RAD23B: variants seen among roughly 807,000 people sequenced by gnomAD.
RAD23B encodes the protein RAD23 nucleotide excision repair protein B.
A neutral mutation model predicts 49.1 loss-of-function variants in RAD23B; 5 were observed. The ratio of observed to expected loss-of-function variants is 0.10; its 90% CI spans 0.05 to 0.21. RAD23B has a LOEUF of 0.21. RAD23B is among the 10% of genes least tolerant of loss of function. RAD23B has a pLI of 1.00. For synonymous variants in RAD23B, 184 were observed against 165.4 expected, an observed-to-expected ratio of 1.11 and a Z score of -0.86; for missense variants, 356 against 486.7, an observed-to-expected ratio of 0.73 and a Z score of 2.53.
chr9:107,301,903 G>C, intron 2 of RAD23B, 132 bp from the exon 3 acceptor site: 1 of 1,278,176 alleles, frequency 7.8e-7, no homozygotes, highest in Non-Finnish European at 1.1e-6. Context: ...AGTATTAACT[G>C]ATAGAATTTA....
At position 107,329,530 on chromosome 9, in the gene RAD23B, C is replaced by T. The variant is rs1587867592; in HGVS notation, c.1117-13C>T. ...GGTGTGTTGGATTTATATTTTTTTC[C>T]TTTTTCTTCCAGTTAAAGGCATTAG... On this transcript the variant is annotated splice_polypyrimidine_tract_variant and intron_variant, in intron 9 of 9. Transcript: ENST00000358015. The T allele has an allele frequency of 1.7e-5, 26 of 1,527,464 alleles. No individual in the cohort carries two copies. In the Admixed American group the frequency reaches 1.8e-4, roughly 11 times the overall value. 94.6% of individuals were successfully genotyped at this position (1,527,464 alleles called of 1,614,324 possible).
intron 2 of RAD23B, among the ~76,000 whole-genome samples, 182 bp downstream of exon 2, chr9:107,300,404 C>T (rs1387243761): frequency 1.3e-5 from 2 of 151,896 alleles, no homozygotes; most frequent in Admixed American, 1.3e-4. Flanking sequence ...TTCACATTTG[C>T]CCTGTGTATT....
chr9:107,316,176 A>C (rs1314360987), intron 5 of RAD23B, among the ~76,000 whole-genome samples: 1 of 151,416 alleles, frequency 6.6e-6, no homozygotes, highest in Admixed American at 6.6e-5. Context: ...TGCCCAGCTA[A>C]TTTTTTTTGT....
intron 2 of RAD23B, among the ~76,000 whole-genome samples, chr9:107,301,487 C>T (rs1165483108): frequency 1.3e-5 from 2 of 152,056 alleles, no homozygotes; most frequent in African/African-American, 2.4e-5. Flanking sequence ...AATTGATTGT[C>T]ATTCTATATA....
rs551710966 is a variant in RAD23B, at chr9:107,314,778, G to C, written c.553+3041G>C. ...GTTTTCCATAAAGGATGTACTAATG[G>C]ACATTTCCGCCAGCAGTGTATAAGC... On this transcript the variant is annotated intron_variant, in intron 5 of 9. Coordinates refer to ENST00000358015, the MANE Select transcript of RAD23B (RefSeq NM_002874.5). 3.3e-5 allele frequency among the ~76,000 whole-genome samples: 5 copies of C among 152,274 alleles called. 1 individual carries two copies. The South Asian group carries it at 6.2e-4, about 19-fold the overall frequency.
chr9:107,324,152 G>GAT, intron 8 of RAD23B, 135 bp downstream of exon 8: 2 of 1,053,138 alleles, frequency 1.9e-6, no homozygotes, highest in Non-Finnish European at 2.7e-6. Context: ...GCTACACTTA[G>GAT]ATATTGTAAT....
chr9:107,310,538 A>G (rs951503143), intron 4 of RAD23B, among the ~76,000 whole-genome samples: 4 of 152,204 alleles, frequency 2.6e-5, no homozygotes, highest in East Asian at 1.9e-4. Flanking sequence ...AAAGCAAGAC[A>G]CAAGTTGTTA....
chr9:107,316,977 C>G lies in RAD23B; in HGVS notation c.554-1775C>G, dbSNP rs549490928. ...AGATGGCTGGTGTTGTGTAAAGGCC[C>G]TGGGGCAGGAAAAGGTGTGGCCTGC... is the stretch of plus-strand genomic sequence containing the variant. On this transcript the variant is annotated intron_variant, in intron 5 of 9. Coordinates refer to ENST00000358015, the MANE Select transcript of RAD23B (RefSeq NM_002874.5). 2.6e-5 allele frequency among the ~76,000 whole-genome samples: 4 copies of G among 152,190 alleles called. No homozygotes were observed. In the East Asian group the frequency reaches 7.7e-4, roughly 29 times the overall value.
At chr9:107,323,654 C>G (rs1229976330) in intron 7 of RAD23B, among the ~76,000 whole-genome samples, 1 of 152,116 alleles carries the variant, frequency 6.6e-6, no homozygotes, top group Non-Finnish European at 1.5e-5. Context: ...AAGTTTGGTT[C>G]ATATTACAGT....
intron 5 of RAD23B, among the ~76,000 whole-genome samples, chr9:107,316,255 C>T (rs1481893726): frequency 6.6e-6 from 1 of 152,172 alleles, no homozygotes; most frequent in Non-Finnish European, 1.5e-5. Flanking sequence ...TCGTGATCTG[C>T]CCGCCTCGGC....
intron 1 of RAD23B, chr9:107,284,947 C>A: frequency 7.7e-7 from 1 of 1,301,098 alleles, no homozygotes; most frequent in Non-Finnish European, 1.0e-6. Flanking sequence ...TAAATGGAAT[C>A]GATTATTTAA....
In RAD23B at chr9:107,318,868, T is replaced by A; in HGVS notation, c.670T>A (p.Tyr224Asn). ...CAACAACCCTGACAGAGCAGTGGAG[T>A]ATCTTTTAATGGTGAGAAATATGTT... ...SFNNPDRAVEYLLMGIPGDRE... is the reference protein window; with the variant it reads ...SFNNPDRAVENLLMGIPGDRE... Residue 224 changes from tyrosine to asparagine, a missense_variant, in exon 6 of 10, where the codon TAT becomes AAT. Tyr to Asn is a moderately radical substitution (Grantham distance 143). This residue lies in a region of RAD23B where 148 missense variants were observed against 231.7 expected (regional missense o/e 0.64). Coordinates refer to ENST00000358015, the MANE Select transcript of RAD23B (RefSeq NM_002874.5). The surrounding 1 kb of genome is among the most constrained non-coding windows in gnomAD (Gnocchi z 4.3). 2 of 1,611,652 alleles carry A rather than the reference T, an allele frequency of 1.2e-6. No individual in the cohort carries two copies. Among genetic ancestry groups the A allele is most frequent in the Non-Finnish European group, 1.7e-6 (2 of 1,178,718 alleles).
At chr9:107,316,982 G>A (rs561104206) in intron 5 of RAD23B, among the ~76,000 whole-genome samples, 7 of 152,314 alleles carry the variant, frequency 4.6e-5, no homozygotes, top group African/African-American at 1.2e-4. Flanking sequence ...AGGCCCTGGG[G>A]CAGGAAAAGG....
chr9:107,292,549 G>A lies in RAD23B; in HGVS notation c.67-7592G>A, dbSNP rs1468771925. Among the ~76,000 whole-genome samples the A allele has an allele frequency of 7.2e-5, 11 of 151,936 alleles. No homozygotes were observed. The East Asian group carries it at 1.4e-3, about 19-fold the overall frequency. On this transcript the variant is annotated intron_variant, in intron 1 of 9. Transcript: ENST00000358015. ...CAAAAAATTAGCTAGGTGTGGTGGC[G>A]TGCACCTGTAGTCTCAGCTACTTGG...
In RAD23B at chr9:107,306,911, ATTT is replaced by A. The variant is rs71368010; in HGVS notation, c.497+275_497+277del. 2.1e-3 allele frequency among the ~76,000 whole-genome samples: 272 copies of A among 132,128 alleles called. 11 individuals are homozygous for A. The South Asian group carries it at 0.05, about 24-fold the overall frequency. The allele number at this position is 132,128 out of a possible 152,430, so 86.7% of individuals were successfully genotyped here. ...GGAAAGGAGAAAGCAGGTGAAAGTC[ATTT>A]TTTTTTTTTTGAGTAGAAACGTTAG... On this transcript the variant is annotated intron_variant, in intron 4 of 9. Transcript: ENST00000358015.
intron 3 of RAD23B, among the ~76,000 whole-genome samples, chr9:107,306,072 T>TATAGATATATATAGATATATATATATA (rs1564245552): frequency 2.3e-5 from 1 of 42,860 alleles, no homozygotes; most frequent in Non-Finnish European, 4.1e-5. Flanking sequence ...TATATATATA[T>TATAGATATATATAGATATATATATATA]CTATATATCT....
chr9:107,316,176 A>G (rs1314360987), intron 5 of RAD23B, among the ~76,000 whole-genome samples: 1 of 151,416 alleles, frequency 6.6e-6, no homozygotes, highest in Non-Finnish European at 1.5e-5. Flanking sequence ...TGCCCAGCTA[A>G]TTTTTTTTGT....
At chr9:107,297,186 C>A (rs1826544915) in intron 1 of RAD23B, among the ~76,000 whole-genome samples, 1 of 151,690 alleles carries the variant, frequency 6.6e-6, no homozygotes, top group Admixed American at 6.6e-5. Context: ...TTTATTTGTC[C>A]TTTTTTTCTG....
chr9:107,322,450 T>G (rs1370324924), intron 7 of RAD23B, among the ~76,000 whole-genome samples: 1 of 152,256 alleles, frequency 6.6e-6, no homozygotes, highest in African/African-American at 2.4e-5. Flanking sequence ...TCTCTTACTC[T>G]CTCCATAAAT....
Sources: gnomAD v4.1 joint callset for allele counts (sites outside exome capture counted in the v4.1 genomes callset) on GRCh38, gnomAD v4.1.1 for gene constraint, gnomAD v4.1.1 regional missense constraint, Gnocchi (gnomAD v3.1) non-coding constraint, MANE v1.5 for transcripts, NCBI Gene and HGNC (gene_info 2026-07-23, HGNC 2026-07-21) for gene names.